Variants in PRR16 observed in about 807,000 individuals in gnomAD.
The protein encoded by PRR16 is proline rich 16, also known as protein Largen.
PRR16 carries 6 observed loss-of-function variants against 18.2 expected under a neutral mutation model. The ratio of observed to expected loss-of-function variants is 0.33; its 90% CI spans 0.18 to 0.65. The LOEUF is 0.65. Among genes scored for constraint, PRR16 ranks in the 30% least tolerant of loss-of-function variants. PRR16 has a pLI of 0.74. For missense variants in PRR16, 412 were observed against 376.6 expected (o/e 1.09, Z -0.78); for synonymous variants, 151 against 147.8 (o/e 1.02, Z -0.16).
chr5:120,593,539 C>T (rs1050711128), intron 1 of PRR16, among the ~76,000 whole-genome samples: 1 of 151,252 alleles, frequency 6.6e-6, no homozygotes. Context: ...AAGCCCAGAA[C>T]CAGTTGGATT....
chr5:120,479,149 T>A (rs145100107), intron 1 of PRR16, among the ~76,000 whole-genome samples: 1 of 152,154 alleles, frequency 6.6e-6, no homozygotes, highest in Admixed American at 6.5e-5. Flanking sequence ...AAGGTAGAAA[T>A]GGGGCTTTCC....
intron 1 of PRR16, among the ~76,000 whole-genome samples, chr5:120,665,674 A>G (rs1160003464): frequency 1.3e-5 from 2 of 152,106 alleles, no homozygotes; most frequent in South Asian, 2.1e-4. Flanking sequence ...CTTTCTACGT[A>G]TGGCTAGCCA....
chr5:120,664,027 G>A (rs972742272), intron 1 of PRR16, among the ~76,000 whole-genome samples: 15 of 152,102 alleles, frequency 9.9e-5, no homozygotes, highest in South Asian at 4.1e-4. Flanking sequence ...GGCCGGGCGC[G>A]GTGGCTCATG....
At chr5:120,585,999 C>T (rs1561559396) in intron 1 of PRR16, among the ~76,000 whole-genome samples, 2 of 151,750 alleles carry the variant, frequency 1.3e-5, no homozygotes, top group East Asian at 1.9e-4. Context: ...CATGGTGATC[C>T]CTGTCTCTAC....
chr5:120,667,175 G>A (rs1237047371), intron 1 of PRR16, among the ~76,000 whole-genome samples: 2 of 151,710 alleles, frequency 1.3e-5, no homozygotes, highest in Non-Finnish European at 2.9e-5. Flanking sequence ...ACTTCTTCCT[G>A]GTTTAGTCTT....
the PRR16 span, among the ~76,000 whole-genome samples, chr5:120,726,604 T>C: frequency 1.3e-5 from 2 of 152,064 alleles, no homozygotes; most frequent in Admixed American, 1.3e-4. Context: ...CTTAGTTTAG[T>C]ATGTTTAATA....
intron 1 of PRR16, among the ~76,000 whole-genome samples, chr5:120,494,500 T>C (rs558806189): frequency 3.3e-5 from 5 of 152,270 alleles, no homozygotes; most frequent in African/African-American, 9.6e-5. Flanking sequence ...GTTATTTATA[T>C]ATCTGATATT....
chr5:120,716,745 G>T, the PRR16 span, among the ~76,000 whole-genome samples: 17 of 152,196 alleles, frequency 1.1e-4, no homozygotes, highest in South Asian at 6.2e-4. Context: ...GGTGGCGGGC[G>T]CTTATAATCC....
intron 1 of PRR16, among the ~76,000 whole-genome samples, chr5:120,496,743 C>T (rs1750258460): frequency 6.6e-6 from 1 of 151,528 alleles, no homozygotes; most frequent in Non-Finnish European, 1.5e-5. Context: ...CTTCCTTCTG[C>T]TTGCTTTGGT....
At chr5:120,651,071 A>T (rs897236221) in intron 1 of PRR16, among the ~76,000 whole-genome samples, 12 of 152,138 alleles carry the variant, frequency 7.9e-5, no homozygotes, top group African/African-American at 2.9e-4. Context: ...CATTTCTCTG[A>T]TGGCCAGTGA....
chr5:120,505,969 T>TAC (rs1353072290), intron 1 of PRR16, among the ~76,000 whole-genome samples: 7 of 145,716 alleles, frequency 4.8e-5, no homozygotes, highest in Non-Finnish European at 9.1e-5. Context: ...TATATATATA[T>TAC]ACACATTTTT....
chr5:120,472,474 A>T (rs1749301457), intron 1 of PRR16, among the ~76,000 whole-genome samples: 2 of 152,134 alleles, frequency 1.3e-5, no homozygotes, highest in Admixed American at 6.5e-5. Flanking sequence ...AAGGAAAAAA[A>T]GTTGGGATTA....
chr5:120,582,294 A>G (rs562582417), intron 1 of PRR16, among the ~76,000 whole-genome samples: 2 of 152,238 alleles, frequency 1.3e-5, no homozygotes, highest in African/African-American at 2.4e-5. Flanking sequence ...AGAAAGTGGA[A>G]TCTCTAAAAA....
chr5:120,793,250 A>AATGG, the PRR16 span, among the ~76,000 whole-genome samples: 1 of 152,144 alleles, frequency 6.6e-6, no homozygotes, highest in South Asian at 2.1e-4. Context: ...GTTCCTTGTT[A>AATGG]ATGGAATGTG....
intron 1 of PRR16, among the ~76,000 whole-genome samples, chr5:120,667,462 T>C (rs1756430487): frequency 6.6e-6 from 1 of 152,094 alleles, no homozygotes; most frequent in African/African-American, 2.4e-5. Context: ...CCTTCAGTTC[T>C]GCTCTGATTT....
the PRR16 span, among the ~76,000 whole-genome samples, chr5:120,768,203 CAA>C: frequency 6.6e-6 from 1 of 151,728 alleles, no homozygotes; most frequent in Non-Finnish European, 1.5e-5. Context: ...TTTTCAAAAA[CAA>C]ATCTTAATTT....
chr5:120,542,071 C>A (rs1360771607), intron 1 of PRR16, among the ~76,000 whole-genome samples: 1 of 151,936 alleles, frequency 6.6e-6, no homozygotes, highest in Non-Finnish European at 1.5e-5. Context: ...AAAGGGATAC[C>A]ACTTTATTAG....
chr5:120,522,679 C>T (rs1751224486), intron 1 of PRR16, among the ~76,000 whole-genome samples: 1 of 152,166 alleles, frequency 6.6e-6, no homozygotes. Context: ...GATCTTGGCT[C>T]ACTGCAAGCT....
At chr5:120,545,342 C>T (rs1381381133) in intron 1 of PRR16, among the ~76,000 whole-genome samples, 8 of 152,070 alleles carry the variant, frequency 5.3e-5, no homozygotes, top group African/African-American at 1.9e-4. Context: ...TTACTAGACA[C>T]TTTATTTGAA....
Sources: allele counts gnomAD v4.1 joint callset (sites outside exome capture counted in the v4.1 genomes callset), GRCh38; gene constraint gnomAD v4.1.1; transcripts MANE v1.5; gene names NCBI Gene and HGNC (gene_info 2026-07-23, HGNC 2026-07-21).